Variants in FILIP1L observed in about 807,000 individuals in gnomAD.
FILIP1L encodes the protein filamin A-interacting protein 1-like.
Under a neutral mutation model 96.6 loss-of-function variants are expected in FILIP1L, and 55 were observed. The observed-to-expected ratio is 0.57, with a 90% CI of 0.46 to 0.71. The LOEUF is 0.71. Among genes scored for constraint, FILIP1L ranks in the 30% least tolerant of loss-of-function variants. The pLI is 0.00. For synonymous variants in FILIP1L, 467 were observed against 473.9 expected (o/e 0.99, Z 0.19); for missense variants, 1,304 against 1,321.2 (o/e 0.99, Z 0.20).
chr3:99,960,686 GA>G (rs1292153745), intron 1 of FILIP1L, among the ~76,000 whole-genome samples: 2 of 152,152 alleles, frequency 1.3e-5, no homozygotes, highest in Non-Finnish European at 1.5e-5. Flanking sequence ...CTGGTACTGG[GA>G]TTGAGGGGAG....
At chr3:99,902,089 G>T (rs927738449) in intron 4 of FILIP1L, among the ~76,000 whole-genome samples, 1 of 152,082 alleles carries the variant, frequency 6.6e-6, no homozygotes, top group African/African-American at 2.4e-5. Context: ...ATATTTAAAT[G>T]ATTGGCTTGC....
At chr3:99,876,035 G>T in intron 4 of FILIP1L, 1 of 985,208 alleles carries the variant, frequency 1.0e-6, no homozygotes, top group South Asian at 4.7e-5. Flanking sequence ...TGACAGCAGT[G>T]CCCCTTGGTG....
At chr3:99,993,353 T>C (rs1709579539) in intron 1 of FILIP1L, among the ~76,000 whole-genome samples, 1 of 152,096 alleles carries the variant, frequency 6.6e-6, no homozygotes, top group East Asian at 1.9e-4. Context: ...CACTAGTTCA[T>C]TTGTCAAATC....
chr3:100,002,213 C>T (rs1261852630), intron 1 of FILIP1L, among the ~76,000 whole-genome samples: 1 of 152,190 alleles, frequency 6.6e-6, no homozygotes, highest in Non-Finnish European at 1.5e-5. Flanking sequence ...GGGTAAATCA[C>T]GCACAGACTG....
intron 1 of FILIP1L, among the ~76,000 whole-genome samples, chr3:99,956,630 A>C (rs1447501559): frequency 6.6e-6 from 1 of 152,224 alleles, no homozygotes; most frequent in Non-Finnish European, 1.5e-5. Context: ...TAAAGGCGTG[A>C]GCCCCCGCGC....
chr3:99,953,752 C>T (rs1385707034), intron 1 of FILIP1L, among the ~76,000 whole-genome samples: 2 of 152,180 alleles, frequency 1.3e-5, no homozygotes, highest in Admixed American at 6.5e-5. Context: ...TTCCTAGAAA[C>T]TCAGTCTATA....
intron 3 of FILIP1L, among the ~76,000 whole-genome samples, chr3:99,928,022 A>G (rs1576578917): frequency 6.6e-6 from 1 of 152,370 alleles, no homozygotes; most frequent in East Asian, 1.9e-4. Context: ...GGTTTTTCAA[A>G]AAGAACATTA....
intron 1 of FILIP1L, among the ~76,000 whole-genome samples, chr3:99,931,351 G>C (rs758768994): frequency 6.6e-6 from 1 of 152,114 alleles, no homozygotes; most frequent in Non-Finnish European, 1.5e-5. Context: ...CTCCAACCAT[G>C]ACCCTAAGTG....
intron 1 of FILIP1L, among the ~76,000 whole-genome samples, chr3:99,988,460 C>T (rs563584688): frequency 5.5e-4 from 74 of 134,764 alleles, no homozygotes; most frequent in African/African-American, 1.8e-3. Flanking sequence ...TGCAGTGAGC[C>T]GAGATCATGC....
intron 4 of FILIP1L, among the ~76,000 whole-genome samples, chr3:99,880,754 T>C (rs951867069): frequency 2.0e-5 from 3 of 152,168 alleles, no homozygotes; most frequent in African/African-American, 7.2e-5. Flanking sequence ...AAGTAAAAAA[T>C]TTTACATGTA....
intron 1 of FILIP1L, among the ~76,000 whole-genome samples, chr3:99,933,103 A>C (rs1030914541): frequency 6.6e-6 from 1 of 152,210 alleles, no homozygotes; most frequent in Non-Finnish European, 1.5e-5. Flanking sequence ...TGCACAGCTA[A>C]TAAGTGGCAA....
At chr3:100,048,316 C>T (rs1575987351) in intron 1 of FILIP1L, among the ~76,000 whole-genome samples, 2 of 152,234 alleles carry the variant, frequency 1.3e-5, no homozygotes, top group South Asian at 4.1e-4. Context: ...CCAGAGGCCC[C>T]TCATTTCTCC....
chr3:99,968,118 G>A (rs960225277), intron 1 of FILIP1L, among the ~76,000 whole-genome samples: 8 of 152,168 alleles, frequency 5.3e-5, no homozygotes, highest in Non-Finnish European at 8.8e-5. Flanking sequence ...GTGATCAAGG[G>A]CACCTAGCCT....
At chr3:100,054,493 T>TTA (rs1250830794) in intron 1 of FILIP1L, among the ~76,000 whole-genome samples, 1 of 33,798 alleles carries the variant, frequency 3.0e-5, no homozygotes, top group Non-Finnish European at 6.1e-5. Context: ...TTATGTTTTG[T>TTA]TATGTTATGT....
Position 99,930,761 on chromosome 3 carries a change from C to G in FILIP1L, c.252+8G>C, listed in dbSNP as rs986421114. ...AAGCATGATGGGGATAACTCCAACC[C>G]AGCTGACCTGCAGTTCTCCCTCCAG... On this transcript the variant is annotated splice_region_variant and intron_variant, in intron 2 of 5. Transcript: ENST00000477258. The G allele has an allele frequency of 1.9e-6, 3 of 1,612,686 alleles. No individual in the cohort carries two copies. The highest frequency in any genetic ancestry group is 2.7e-5 in the African/African-American group (2 of 74,738).
intron 1 of FILIP1L, among the ~76,000 whole-genome samples, chr3:100,065,413 A>G (rs2065647046): frequency 6.6e-6 from 1 of 152,198 alleles, no homozygotes; most frequent in Non-Finnish European, 1.5e-5. Flanking sequence ...AACTTTGCCT[A>G]AAATCATCCT....
intron 1 of FILIP1L, among the ~76,000 whole-genome samples, chr3:100,054,686 C>A (rs1191760094): frequency 1.3e-5 from 2 of 152,086 alleles, no homozygotes; most frequent in Non-Finnish European, 2.9e-5. Flanking sequence ...GAGGGCAGAT[C>A]ACTGATTTCC....
At chr3:100,055,179 G>C (rs897208040) in intron 1 of FILIP1L, among the ~76,000 whole-genome samples, 6 of 152,056 alleles carry the variant, frequency 3.9e-5, no homozygotes, top group African/African-American at 1.4e-4. Context: ...AGTTCTCCTC[G>C]TCCTACTCTT....
At chr3:99,993,310 T>C (rs1355656000) in intron 1 of FILIP1L, among the ~76,000 whole-genome samples, 1 of 152,158 alleles carries the variant, frequency 6.6e-6, no homozygotes, top group Non-Finnish European at 1.5e-5. Context: ...TTATGTCATC[T>C]ACAACTTCTT....
Sources: gnomAD v4.1 joint callset for allele counts (sites outside exome capture counted in the v4.1 genomes callset) on GRCh38, gnomAD v4.1.1 for gene constraint, MANE v1.5 for transcripts, NCBI Gene and HGNC (gene_info 2026-07-23, HGNC 2026-07-21) for gene names.